The following MAN1C1 variants were observed in gnomAD, a reference collection of about 807,000 sequenced individuals.
MAN1C1 encodes mannosidase alpha class 1C member 1.
A neutral mutation model predicts 71.5 loss-of-function variants in MAN1C1; 49 were observed. That is an observed-to-expected ratio of 0.69 (90% confidence interval 0.54 to 0.87). The LOEUF is 0.87. Ranked by LOEUF, MAN1C1 falls within the 40% of genes least tolerant of loss-of-function variation. MAN1C1 has a pLI of 0.00. For synonymous variants in MAN1C1, 352 were observed against 343.7 expected, an observed-to-expected ratio of 1.02 and a Z score of -0.27; for missense variants, 743 against 835.0, an observed-to-expected ratio of 0.89 and a Z score of 1.36.
At chr1:25,705,260 GAAA>G (rs1263690624) in intron 2 of MAN1C1, among the ~76,000 whole-genome samples, 1 of 151,950 alleles carries the variant, frequency 6.6e-6, no homozygotes, top group African/African-American at 2.4e-5. Context: ...TCTGTATTTT[GAAA>G]AAAAGGAAGA....
intron 1 of MAN1C1, among the ~76,000 whole-genome samples, chr1:25,625,619 C>T (rs2045282119): frequency 6.6e-6 from 1 of 152,086 alleles, no homozygotes; most frequent in Non-Finnish European, 1.5e-5. Flanking sequence ...AGTTCAAGAC[C>T]AGCTTGGGCA....
intron 4 of MAN1C1, among the ~76,000 whole-genome samples, chr1:25,750,294 C>T (rs532875044): frequency 7.2e-5 from 11 of 152,302 alleles, no homozygotes; most frequent in African/African-American, 1.4e-4. Flanking sequence ...TCCCCGCTCC[C>T]GAGCTCCGGT....
At chr1:25,638,980 A>G (rs946373703) in intron 1 of MAN1C1, among the ~76,000 whole-genome samples, 1 of 152,106 alleles carries the variant, frequency 6.6e-6, no homozygotes, top group Non-Finnish European at 1.5e-5. Flanking sequence ...CTCCAGTTAC[A>G]TATAAGTTAG....
chr1:25,743,765 G>A (rs968086559), intron 2 of MAN1C1, among the ~76,000 whole-genome samples: 1 of 152,234 alleles, frequency 6.6e-6, no homozygotes, highest in African/African-American at 2.4e-5. Context: ...CGCATGGGGT[G>A]AAAACACCAG....
intron 1 of MAN1C1, among the ~76,000 whole-genome samples, chr1:25,642,379 CGT>C (rs2045550377): frequency 6.6e-6 from 1 of 152,208 alleles, no homozygotes; most frequent in Non-Finnish European, 1.5e-5. Context: ...ACTCTGCAGC[CGT>C]GCTCTGCTGT....
intron 2 of MAN1C1, among the ~76,000 whole-genome samples, chr1:25,745,585 A>C (rs2047117511): frequency 6.6e-6 from 1 of 152,242 alleles, no homozygotes; most frequent in African/African-American, 2.4e-5. Flanking sequence ...GTAAATAGGC[A>C]CAGGTCGACC....
At chr1:25,722,861 A>G (rs116410134) in intron 2 of MAN1C1, among the ~76,000 whole-genome samples, 6 of 152,326 alleles carry the variant, frequency 3.9e-5, no homozygotes, top group African/African-American at 7.2e-5. Flanking sequence ...GGATAATCCA[A>G]TGGGAACTCA....
At chr1:25,667,664 C>T (rs2045943137) in intron 1 of MAN1C1, among the ~76,000 whole-genome samples, 1 of 152,058 alleles carries the variant, frequency 6.6e-6, no homozygotes, top group Non-Finnish European at 1.5e-5. Context: ...TTTTCTCTCT[C>T]CTGTGTGATT....
rs1000638894 is a variant in MAN1C1 at position 25,780,811 on chromosome 1, G to T, written c.1478-129G>T. On this transcript the variant is annotated intron_variant, in intron 9 of 11. Transcript: ENST00000374332. ...GCCTTACACAGCAGTCCAGGCAGGG[G>T]CACCCCACACCCACACACACCTGAC... The T allele has an allele frequency of 9.8e-6, 9 of 922,554 alleles. No homozygotes were observed. In the African/African-American group the frequency reaches 1.5e-4, roughly 15 times the overall value. 57.1% of individuals were successfully genotyped at this position (922,554 alleles called of 1,614,324 possible). A position where few individuals can be genotyped will look rare whatever the true frequency, so the allele number is the denominator to read the frequency against.
chr1:25,653,307 G>A (rs887808262), intron 1 of MAN1C1, among the ~76,000 whole-genome samples: 2 of 152,128 alleles, frequency 1.3e-5, no homozygotes, highest in Non-Finnish European at 2.9e-5. Context: ...TCAAACTTCT[G>A]GGCTCAAGTG....
intron 1 of MAN1C1, among the ~76,000 whole-genome samples, chr1:25,636,472 A>G (rs2045462395): frequency 6.6e-6 from 1 of 152,204 alleles, no homozygotes; most frequent in Non-Finnish European, 1.5e-5. Flanking sequence ...TATCTTCCCT[A>G]CTTGCACGTC....
At chr1:25,625,682 G>A (rs946810519) in intron 1 of MAN1C1, among the ~76,000 whole-genome samples, 1 of 152,172 alleles carries the variant, frequency 6.6e-6, no homozygotes, top group Admixed American at 6.5e-5. Flanking sequence ...ATAATCAGGC[G>A]TGGTAGTGTA....
intron 2 of MAN1C1, among the ~76,000 whole-genome samples, chr1:25,701,920 C>T (rs1438933386): frequency 6.6e-6 from 1 of 152,086 alleles, no homozygotes; most frequent in Non-Finnish European, 1.5e-5. Context: ...ATCAGCCGGG[C>T]GTGGTGGTGC....
chr1:25,643,412 G>A lies in MAN1C1; in HGVS notation c.540+25075G>A, dbSNP rs191918658. 8.0e-3 allele frequency among the ~76,000 whole-genome samples: 1,147 copies of A among 142,522 alleles called. 17 individuals are homozygous for A. The highest frequency in any genetic ancestry group is 0.028 in the African/African-American group (1,077 of 38,032). The allele number at this position is 142,522 out of a possible 152,430, so 93.5% of individuals were successfully genotyped here. On this transcript the variant is annotated intron_variant, in intron 1 of 11. Transcript: ENST00000374332. The stretch of plus-strand genomic sequence containing the variant: ...TGGGACTACAGGCACCCGCCACCAC[G>A]CCTGGCTAATTTTTTTTTTTTTTTT...
chr1:25,713,006 A>G (rs543000298), intron 2 of MAN1C1, among the ~76,000 whole-genome samples: 2 of 152,328 alleles, frequency 1.3e-5, no homozygotes, highest in South Asian at 4.1e-4. Context: ...CAGTTGTCCA[A>G]TATTTTATAT....
At chr1:25,754,584 G>C (rs751520544) in intron 5 of MAN1C1, among the ~76,000 whole-genome samples, 2 of 152,052 alleles carry the variant, frequency 1.3e-5, no homozygotes, top group Non-Finnish European at 2.9e-5. Flanking sequence ...TCGATGCCAG[G>C]GTTGACTCCT....
intron 1 of MAN1C1, among the ~76,000 whole-genome samples, chr1:25,666,907 G>C (rs940905898): frequency 6.6e-6 from 1 of 152,004 alleles, no homozygotes; most frequent in Admixed American, 6.6e-5. Flanking sequence ...CATGGGCCGT[G>C]GGTTCATTTG....
intron 1 of MAN1C1, among the ~76,000 whole-genome samples, chr1:25,621,765 G>C (rs1490759465): frequency 6.6e-6 from 1 of 151,966 alleles, no homozygotes; most frequent in African/African-American, 2.4e-5. Context: ...CAAGTAACTG[G>C]GATTCCAGGC....
intron 2 of MAN1C1, among the ~76,000 whole-genome samples, chr1:25,718,583 T>C (rs1186895048): frequency 6.6e-6 from 1 of 152,236 alleles, no homozygotes; most frequent in Non-Finnish European, 1.5e-5. Flanking sequence ...CCCATCACAG[T>C]CGCTTCCCAT....
Sources: gnomAD v4.1 joint callset for allele counts (sites outside exome capture counted in the v4.1 genomes callset) on GRCh38, gnomAD v4.1.1 for gene constraint, MANE v1.5 for transcripts, NCBI Gene and HGNC (gene_info 2026-07-23, HGNC 2026-07-21) for gene names.